The following CELF6 variants were observed in gnomAD, a reference collection of about 807,000 sequenced individuals.
The protein encoded by CELF6 is Bruno -like 6, RNA binding protein.
A neutral mutation model predicts 53.1 loss-of-function variants in CELF6; 32 were observed. That is an observed-to-expected ratio of 0.60 (90% CI 0.46 to 0.81). The LOEUF is 0.81. CELF6 is among the 30% of genes least tolerant of loss of function. The pLI is 0.00. For synonymous variants in CELF6, 291 were observed against 288.8 expected, an observed-to-expected ratio of 1.01 and a Z score of -0.08; for missense variants, 539 against 669.5, an observed-to-expected ratio of 0.81 and a Z score of 2.15.
In CELF6 at chr15:72,315,900, C is replaced by T. The variant is rs1232322825; in HGVS notation, c.290G>A (p.Arg97Gln). 14 of 1,607,952 alleles carry T rather than the reference C, an allele frequency of 8.7e-6. No homozygotes were observed. The highest frequency in any genetic ancestry group is 2.2e-5 in the East Asian group (1 of 44,734). ...ACTCTGGGCCTTGAGAGCAGAGTCC[C>T]GGGCGCAGTAGGTGAGGAAGGCACA... is the stretch of plus-strand genomic sequence containing the variant. ...KGCAFLTYCA[R>Q]DSALKAQSAL... The change falls in exon 2 of 13, where the codon CGG (arginine) becomes CAG (glutamine). Residue 97 changes from arginine to glutamine, a missense_variant. This residue lies in a region of CELF6 where 97 missense variants were observed against 168.8 expected (regional missense o/e 0.57). Coordinates refer to ENST00000287202, the MANE Select transcript of CELF6 (RefSeq NM_052840.5).
In CELF6 at chr15:72,289,895, C is replaced by T. The variant is rs1015829123; in HGVS notation, c.603+44G>A. 11 of 1,535,508 alleles carry T rather than the reference C, an allele frequency of 7.2e-6. No homozygotes were observed. Among genetic ancestry groups the T allele is most frequent in the Admixed American group, 2.0e-5 (1 of 50,820 alleles). On this transcript the variant is annotated intron_variant, in intron 5 of 12. Coordinates refer to ENST00000287202, the MANE Select transcript of CELF6 (RefSeq NM_052840.5). The surrounding 1 kb of genome is among the most constrained non-coding windows in gnomAD (Gnocchi z 7.6). The stretch of plus-strand genomic sequence containing the variant: ...ACACTCGGGGAGGAGAAGCCCGTCC[C>T]CACCCCACTGGCCTCACCCTCAGCC...
At position 72,288,240 on chromosome 15, in the gene CELF6, C is replaced by A; in HGVS notation, c.1318+68G>T. 1 of 1,518,612 alleles carries A rather than the reference C, an allele frequency of 6.6e-7. No homozygotes were observed. The highest frequency in any genetic ancestry group is 9.1e-7 in the Non-Finnish European group (1 of 1,093,920). The allele number at this position is 1,518,612 out of a possible 1,614,324, so 94.1% of individuals were successfully genotyped here. On this transcript the variant is annotated intron_variant, in intron 11 of 12. Transcript: ENST00000287202. This position sits in a 1 kb window ranked among gnomAD's most constrained non-coding sequence, Gnocchi z 4.6. Reference sequence around the variant, plus strand: ...AATCACTGCATTATGGAAGGGCAATCGTAGGGTCTGTAGGAAATCCTTTAT... The same window carrying A: ...AATCACTGCATTATGGAAGGGCAATAGTAGGGTCTGTAGGAAATCCTTTAT...
At chr15:72,291,414 G>A (rs1046352834) in intron 3 of CELF6, among the ~76,000 whole-genome samples, 2 of 152,144 alleles carry the variant, frequency 1.3e-5, no homozygotes, top group Non-Finnish European at 2.9e-5. Flanking sequence ...TACAAGTTGG[G>A]AGAGAAGGAG....
chr15:72,313,648 C>T (rs542852295), intron 2 of CELF6: 1 of 472,004 alleles, frequency 2.1e-6, no homozygotes, highest in Non-Finnish European at 2.8e-6. Flanking sequence ...CAGTGCCAGC[C>T]GCATTTCACA....
At chr15:72,312,687 T>C (rs1210052219) in intron 2 of CELF6, among the ~76,000 whole-genome samples, 2 of 152,202 alleles carry the variant, frequency 1.3e-5, no homozygotes, top group African/African-American at 2.4e-5. Context: ...TTCAGACTTT[T>C]CTCTCTGGGG....
At chr15:72,292,264 G>T in intron 3 of CELF6, 1 of 1,533,386 alleles carries the variant, frequency 6.5e-7, no homozygotes, top group South Asian at 1.2e-5. Flanking sequence ...CTGTTCAGGA[G>T]CCTGAGAAGA....
At chr15:72,306,291 C>T (rs748728597) in intron 2 of CELF6, 74 of 985,124 alleles carry the variant, frequency 7.5e-5, no homozygotes, top group Non-Finnish European at 8.7e-5. Flanking sequence ...GCGGCCTTCC[C>T]GTTCATGGAG....
rs1214058354 is a variant in CELF6 at position 72,319,706 on chromosome 15, A to G, written c.169T>C (p.Leu57=). The G allele has an allele frequency of 2.5e-6, 4 of 1,596,358 alleles. No individual in the cohort carries two copies. The highest frequency in any genetic ancestry group is 2.7e-5 in the African/African-American group (2 of 74,644). The stretch of plus-strand genomic sequence containing the variant: ...AGCGGCTTGAGGTCCTGCTCGTCCA[A>G]GCCCCGCGGGATCTGCCCCACGAAG... ...KLFVGQIPRG[L]DEQDLKPLFE... is the part of the protein sequence containing the mutation. The change falls in exon 1 of 13, where the codon TTG becomes CTG. Residue 57 remains leucine, a synonymous_variant. Transcript: ENST00000287202. This position sits in a 1 kb window ranked among gnomAD's most constrained non-coding sequence, Gnocchi z 5.0.
intron 3 of CELF6, among the ~76,000 whole-genome samples, chr15:72,300,989 A>AT (rs11371218): frequency 0.07 from 10,307 of 147,266 alleles, 860 homozygotes; most frequent in African/African-American, 0.2. Flanking sequence ...AGCTAAAATG[A>AT]TTTTTTTTTT....
At chr15:72,295,599 G>A (rs1039710662) in intron 3 of CELF6, among the ~76,000 whole-genome samples, 1 of 150,834 alleles carries the variant, frequency 6.6e-6, no homozygotes, top group Non-Finnish European at 1.5e-5. Flanking sequence ...CGTGGTGGTG[G>A]GTGCCTGTAA....
rs886413880 is a variant in CELF6, at chr15:72,288,924, C to T, written c.1037G>A (p.Ser346Asn). ...NNGLSPYPAQ[S>N]PGVADPLQQA... ...CTGCAGGGGGTCAGCCACGCCGGGG[C>T]TCTGGGCTGGGGAGAGAGGGGCGCG... Residue 346 changes from serine (S) to asparagine (N), a missense_variant, in exon 9 of 13, where the codon AGC becomes AAC. Physicochemically the swap from Ser to Asn is conservative, Grantham distance 46 (BLOSUM62 1). Around this residue, in one of 3 missense-constraint regions of CELF6, gnomAD observed 358 missense variants for 412.8 expected, o/e 0.87. Coordinates refer to ENST00000287202, the MANE Select transcript of CELF6 (RefSeq NM_052840.5). This position sits in a 1 kb window ranked among gnomAD's most constrained non-coding sequence, Gnocchi z 4.6. The T allele has an allele frequency of 5.8e-6, 9 of 1,550,482 alleles. No homozygotes were observed. Among genetic ancestry groups the T allele is most frequent in the South Asian group, 3.6e-5 (3 of 84,044 alleles).
At chr15:72,295,636 G>C (rs28764817) in intron 3 of CELF6, among the ~76,000 whole-genome samples, 1,987 of 147,102 alleles carry the variant, frequency 0.014, 37 homozygotes, top group African/African-American at 0.047. Flanking sequence ...GGCTGAGGCA[G>C]AATTGCTTGA....
chr15:72,295,081 C>T (rs2088060360), intron 3 of CELF6, among the ~76,000 whole-genome samples: 1 of 151,622 alleles, frequency 6.6e-6, no homozygotes, highest in African/African-American at 2.4e-5. Context: ...CGCCTGTAAA[C>T]CCAGCACTTT....
rs751848232 is a variant in CELF6, at chr15:72,290,216, T to C, written c.434A>G (p.Gln145Arg). 2.5e-6 allele frequency: 4 copies of C among 1,613,774 alleles called. No individual in the cohort carries two copies. The highest frequency in any genetic ancestry group is 2.5e-6 in the Non-Finnish European group (3 of 1,179,912). ...KLFVGMLGKQ[Q>R]GEEDVRRLFQ... The stretch of plus-strand genomic sequence containing the variant: ...CAGGCGTCTGACGTCCTCCTCACCC[T>C]GCTGCTTGCCCAGCATCCCCACAAA... Residue 145 changes from glutamine to arginine, a missense_variant, in exon 4 of 13, where the codon CAG becomes CGG. Transcript: ENST00000287202.
rs1595787312 is a variant in CELF6 at position 72,315,947 on chromosome 15, C to G, written c.263-20G>C. 1 of 1,566,450 alleles carries G rather than the reference C, an allele frequency of 6.4e-7. No individual in the cohort carries two copies. The highest frequency in any genetic ancestry group is 8.7e-7 in the Non-Finnish European group (1 of 1,149,268). On this transcript the variant is annotated intron_variant, in intron 1 of 12. Coordinates refer to ENST00000287202, the MANE Select transcript of CELF6 (RefSeq NM_052840.5). ...CACAGCCTGAGGAGGAAGAGGCTGG[C>G]TCAGGGGGTTTCCTGAAACCCCCAA...
intron 3 of CELF6, among the ~76,000 whole-genome samples, chr15:72,300,178 G>A (rs1240583140): frequency 6.6e-6 from 1 of 151,990 alleles, no homozygotes. Flanking sequence ...AACAAAGTGA[G>A]ACTCTGTCCC....
chr15:72,289,820 G>A lies in CELF6; in HGVS notation c.604-50C>T, dbSNP rs1345766481. 2 of 1,467,922 alleles carry A rather than the reference G, an allele frequency of 1.4e-6. No individual in the cohort carries two copies. Among genetic ancestry groups the A allele is most frequent in the East Asian group, 5.0e-5 (2 of 40,296 alleles). 90.9% of individuals were successfully genotyped at this position (1,467,922 alleles called of 1,614,324 possible). A position where few individuals can be genotyped will look rare whatever the true frequency, so the allele number is the denominator to read the frequency against. On this transcript the variant is annotated intron_variant, in intron 5 of 12. Transcript: ENST00000287202. The surrounding 1 kb of genome is among the most constrained non-coding windows in gnomAD (Gnocchi z 7.6). ...GTGACCGGTCCTGACCCTGGCCCCG[G>A]CCCGGGGCCGAGCGCCTTTCCCATC...
chr15:72,299,563 G>A (rs1595779758), intron 3 of CELF6, among the ~76,000 whole-genome samples: 2 of 151,920 alleles, frequency 1.3e-5, no homozygotes, highest in South Asian at 4.2e-4. Context: ...GTTTCACTGT[G>A]TTGCCCAGGC....
At chr15:72,304,939 T>C in intron 2 of CELF6, 145 bp from the exon 3 acceptor site, 1 of 678,796 alleles carries the variant, frequency 1.5e-6, no homozygotes, top group South Asian at 1.9e-5. Context: ...GGATTACAGA[T>C]TTTCTCCAAG....
Sources: gnomAD v4.1 joint callset for allele counts (sites outside exome capture counted in the v4.1 genomes callset) on GRCh38, gnomAD v4.1.1 for gene constraint, gnomAD v4.1.1 regional missense constraint, Gnocchi (gnomAD v3.1) non-coding constraint, MANE v1.5 for transcripts, NCBI Gene and HGNC (gene_info 2026-07-23, HGNC 2026-07-21) for gene names.